SLC16A10: variants seen among roughly 807,000 people sequenced by gnomAD.
SLC16A10 encodes the protein solute carrier family 16 member 10, also known as monocarboxylate transporter 10.
A neutral mutation model predicts 40.0 loss-of-function variants in SLC16A10; 27 were observed. That is an observed-to-expected ratio of 0.67 (90% CI 0.50 to 0.93). SLC16A10 has a LOEUF of 0.93. Among genes scored for constraint, SLC16A10 ranks in the 40% least tolerant of loss-of-function variants. SLC16A10 has a pLI of 0.00. For synonymous variants in SLC16A10, 213 were observed against 249.8 expected (o/e 0.85, Z 1.39); for missense variants, 529 against 658.2 (o/e 0.80, Z 2.15).
chr6:111,180,104 A>G (rs1772762029), intron 3 of SLC16A10, among the ~76,000 whole-genome samples: 1 of 152,262 alleles, frequency 6.6e-6, no homozygotes, highest in South Asian at 2.1e-4. Flanking sequence ...CTGAAGGAGC[A>G]TAAACCTAGT....
intron 1 of SLC16A10, among the ~76,000 whole-genome samples, chr6:111,135,537 AG>A (rs779399188): frequency 2.0e-4 from 30 of 152,332 alleles, no homozygotes; most frequent in Non-Finnish European, 3.5e-4. Context: ...TACTAGAGGA[AG>A]CAAAGTGGTT....
At chr6:111,203,969 G>T (rs917204492) in intron 3 of SLC16A10, among the ~76,000 whole-genome samples, 36 of 152,034 alleles carry the variant, frequency 2.4e-4, no homozygotes, top group Non-Finnish European at 4.4e-5. Flanking sequence ...AAGATGCCTG[G>T]TAGATTCAGT....
intron 1 of SLC16A10, among the ~76,000 whole-genome samples, chr6:111,126,888 T>C (rs1020494394): frequency 1.3e-5 from 2 of 152,186 alleles, no homozygotes; most frequent in African/African-American, 2.4e-5. Context: ...GGTTTTCTCA[T>C]TGTAAAATGG....
At chr6:111,149,888 G>A (rs1772142602) in intron 1 of SLC16A10, among the ~76,000 whole-genome samples, 1 of 152,168 alleles carries the variant, frequency 6.6e-6, no homozygotes, top group African/African-American at 2.4e-5. Flanking sequence ...TAGTATAGTG[G>A]CTTAAGAGTG....
At chr6:111,219,731 G>A (rs1583370227) in intron 5 of SLC16A10, among the ~76,000 whole-genome samples, 1 of 152,084 alleles carries the variant, frequency 6.6e-6, no homozygotes, top group East Asian at 1.9e-4. Context: ...CAGAACTGAT[G>A]CTACCAGGTG....
intron 1 of SLC16A10, among the ~76,000 whole-genome samples, chr6:111,118,944 A>G (rs141684491): frequency 6.6e-6 from 1 of 152,326 alleles, no homozygotes; most frequent in East Asian, 1.9e-4. Flanking sequence ...GAACAGGACC[A>G]AAAGTCTGCA....
chr6:111,123,965 G>A (rs1472967041), intron 1 of SLC16A10, among the ~76,000 whole-genome samples: 3 of 152,140 alleles, frequency 2.0e-5, no homozygotes, highest in Non-Finnish European at 2.9e-5. Context: ...TGGATCAGAA[G>A]GGGCAGAAAA....
At chr6:111,099,662 G>A (rs1414483300) in intron 1 of SLC16A10, among the ~76,000 whole-genome samples, 1 of 152,146 alleles carries the variant, frequency 6.6e-6, no homozygotes, top group Non-Finnish European at 1.5e-5. Context: ...GGAGAGGGGA[G>A]GGCAAATAGG....
chr6:111,106,830 C>T (rs1016078524), intron 1 of SLC16A10, among the ~76,000 whole-genome samples: 42 of 152,150 alleles, frequency 2.8e-4, no homozygotes, highest in Non-Finnish European at 5.3e-4. Context: ...CATTGATACA[C>T]TGTCTTGTGG....
chr6:111,165,473 A>G (rs1455222926), intron 1 of SLC16A10, among the ~76,000 whole-genome samples: 1 of 152,240 alleles, frequency 6.6e-6, no homozygotes, highest in Non-Finnish European at 1.5e-5. Context: ...AAATATGCCT[A>G]TAGCTTGGAT....
intron 3 of SLC16A10, among the ~76,000 whole-genome samples, chr6:111,179,322 A>G (rs1772747910): frequency 6.6e-6 from 1 of 152,272 alleles, no homozygotes; most frequent in African/African-American, 2.4e-5. Flanking sequence ...CCAGTAAAGC[A>G]GATAAAATAA....
intron 3 of SLC16A10, among the ~76,000 whole-genome samples, chr6:111,203,950 A>AT (rs142026677): frequency 0.012 from 1,804 of 152,198 alleles, 25 homozygotes; most frequent in African/African-American, 0.042. Flanking sequence ...TCTTAGTTTC[A>AT]TAAAAAAAAA....
chr6:111,141,391 G>A (rs1220276565), intron 1 of SLC16A10, among the ~76,000 whole-genome samples: 2 of 152,148 alleles, frequency 1.3e-5, no homozygotes, highest in Non-Finnish European at 2.9e-5. Context: ...AGCTGGGTGC[G>A]ATGCCTCACG....
intron 1 of SLC16A10, among the ~76,000 whole-genome samples, chr6:111,145,413 T>A (rs1421641093): frequency 6.6e-6 from 1 of 152,062 alleles, no homozygotes; most frequent in African/African-American, 2.4e-5. Flanking sequence ...AATAAATAGA[T>A]AGATAATATA....
chr6:111,189,047 C>T (rs772327997), intron 3 of SLC16A10, among the ~76,000 whole-genome samples: 1 of 152,160 alleles, frequency 6.6e-6, no homozygotes, highest in Non-Finnish European at 1.5e-5. Context: ...CAGATTCAGG[C>T]ATTCATTTGA....
At chr6:111,108,165 G>A (rs537615331) in intron 1 of SLC16A10, among the ~76,000 whole-genome samples, 6 of 152,022 alleles carry the variant, frequency 3.9e-5, no homozygotes, top group Middle Eastern at 3.4e-3. Flanking sequence ...GATTACAGGC[G>A]TGATCCACCA....
intron 1 of SLC16A10, among the ~76,000 whole-genome samples, chr6:111,171,890 TC>T (rs1335337521): frequency 6.7e-6 from 1 of 149,854 alleles, no homozygotes; most frequent in African/African-American, 2.4e-5. Flanking sequence ...AATATGAAAC[TC>T]ATTTCTAGAA....
chr6:111,149,897 T>C (rs917031481), intron 1 of SLC16A10, among the ~76,000 whole-genome samples: 1 of 152,158 alleles, frequency 6.6e-6, no homozygotes, highest in South Asian at 2.1e-4. Context: ...GGCTTAAGAG[T>C]GAGGGTGCTC....
intron 1 of SLC16A10, among the ~76,000 whole-genome samples, chr6:111,153,572 G>C (rs972338983): frequency 2.0e-5 from 3 of 152,074 alleles, no homozygotes; most frequent in Non-Finnish European, 4.4e-5. Flanking sequence ...AAAGCAGTGT[G>C]GTTGCTTATA....
Sources: gnomAD v4.1 joint callset for allele counts (sites outside exome capture counted in the v4.1 genomes callset) on GRCh38, gnomAD v4.1.1 for gene constraint, MANE v1.5 for transcripts, NCBI Gene and HGNC (gene_info 2026-07-23, HGNC 2026-07-21) for gene names.